PNPLA7: variants seen among roughly 807,000 people sequenced by gnomAD.
The protein encoded by PNPLA7 is patatin like domain 7, lysophospholipase.
In PNPLA7, 153 loss-of-function variants were observed where a neutral mutation model predicts 161.7. The observed-to-expected ratio is 0.95, with a 90% CI of 0.83 to 1.08. PNPLA7 has a LOEUF of 1.08. Ranked by LOEUF, PNPLA7 falls within the 50% of genes least tolerant of loss-of-function variation. The pLI, the probability that PNPLA7 is intolerant of heterozygous loss-of-function variation, is 0.00. For synonymous variants in PNPLA7, 809 were observed against 782.1 expected (o/e 1.03, Z -0.57); for missense variants, 1,739 against 1,856.6 (o/e 0.94, Z 1.16).
At position 137,500,651 on chromosome 9, in the gene PNPLA7, G is replaced by C. The variant is rs71510827; in HGVS notation, c.1757+40C>G. On this transcript the variant is annotated intron_variant, in intron 16 of 34. Transcript: ENST00000406427. The surrounding 1 kb of genome is among the most constrained non-coding windows in gnomAD (Gnocchi z 5.5). ...CGGGGAGGGGTCTCAGGGCAGGGGG[G>C]GCTGGGGCCCGCCCTGAGGTCCTGG... The C allele has an allele frequency of 6.9e-6, 11 of 1,592,234 alleles. No homozygotes were observed. The highest frequency in any genetic ancestry group is 3.4e-5 in the Admixed American group (2 of 58,526).
At chr9:137,501,983 A>C (rs1833452410) in intron 14 of PNPLA7, among the ~76,000 whole-genome samples, 3 of 152,192 alleles carry the variant, frequency 2.0e-5, no homozygotes, top group South Asian at 4.1e-4. Flanking sequence ...AGAAACAGAC[A>C]CTCGTATTTT....
chr9:137,496,169 C>G (rs1833048995), intron 18 of PNPLA7, among the ~76,000 whole-genome samples: 1 of 144,726 alleles, frequency 6.9e-6, no homozygotes, highest in Non-Finnish European at 1.5e-5. Context: ...TAGAGTTTAG[C>G]TCTTACTGCA....
intron 4 of PNPLA7, among the ~76,000 whole-genome samples, chr9:137,545,867 G>C (rs191693535): frequency 1.3e-5 from 2 of 152,156 alleles, no homozygotes; most frequent in Non-Finnish European, 2.9e-5. Flanking sequence ...CAAGCGGACC[G>C]TGATCTAGCG....
In PNPLA7 at chr9:137,520,102, G is replaced by A. The variant is rs546433185; in HGVS notation, c.958-59C>T. On this transcript the variant is annotated intron_variant, in intron 10 of 34. Coordinates refer to ENST00000406427, the MANE Select transcript of PNPLA7 (RefSeq NM_001098537.3). The surrounding 1 kb of genome is among the most constrained non-coding windows in gnomAD (Gnocchi z 5.2). Reference sequence around the variant, plus strand: ...AGGAACACCCCACACCCACTGACAGGTGTGGGCTCCTCAAAGGTGTGACAG... The same window carrying A: ...AGGAACACCCCACACCCACTGACAGATGTGGGCTCCTCAAAGGTGTGACAG... The A allele has an allele frequency of 1.2e-4, 191 of 1,599,524 alleles. 2 individuals carry two copies. The African/African-American group carries it at 2.2e-3, about 19-fold the overall frequency.
intron 8 of PNPLA7, among the ~76,000 whole-genome samples, chr9:137,526,578 A>G (rs1835315003): frequency 6.6e-6 from 1 of 152,106 alleles, no homozygotes; most frequent in Non-Finnish European, 1.5e-5. Context: ...CGCCTGGCCG[A>G]TTTTCATCCT....
intron 32 of PNPLA7, 56 bp from the exon 33 acceptor site, chr9:137,461,676 A>C: frequency 2.0e-6 from 3 of 1,515,576 alleles, no homozygotes; most frequent in Non-Finnish European, 2.7e-6. Flanking sequence ...GCCAGTCCCC[A>C]GCCTGCTTCC....
intron 8 of PNPLA7, among the ~76,000 whole-genome samples, chr9:137,538,462 A>G (rs535793464): frequency 2.0e-5 from 3 of 152,358 alleles, no homozygotes; most frequent in South Asian, 2.1e-4. Context: ...CCCAGGCTCC[A>G]GTGCGAGGTT....
intron 12 of PNPLA7, among the ~76,000 whole-genome samples, chr9:137,506,729 C>G (rs1833944751): frequency 6.6e-6 from 1 of 152,228 alleles, no homozygotes; most frequent in Non-Finnish European, 1.5e-5. Context: ...CTGCCCTCAG[C>G]ATTACACATC....
In PNPLA7 at chr9:137,523,060, A is replaced by T. The variant is rs937945853; in HGVS notation, c.748-203T>A. Reference sequence around the variant, plus strand: ...TTGACTGTCCAAGACATGTGCGGCGAAGGACTGGCTGACGATGAAATGTGG... The same window carrying T: ...TTGACTGTCCAAGACATGTGCGGCGTAGGACTGGCTGACGATGAAATGTGG... On this transcript the variant is annotated intron_variant, in intron 8 of 34. Transcript: ENST00000406427. The surrounding 1 kb of genome is among the most constrained non-coding windows in gnomAD (Gnocchi z 4.4). Among the ~76,000 whole-genome samples, 4 of 152,026 alleles carry T rather than the reference A, an allele frequency of 2.6e-5. No homozygotes were observed. The highest frequency in any genetic ancestry group is 2.6e-4 in the Admixed American group (4 of 15,266).
At chr9:137,534,063 CAG>C (rs1835749037) in intron 8 of PNPLA7, among the ~76,000 whole-genome samples, 1 of 150,574 alleles carries the variant, frequency 6.6e-6, no homozygotes, top group Non-Finnish European at 1.5e-5. Context: ...TCCTCCCCAA[CAG>C]TGTCCACTCC....
chr9:137,547,523 G>T lies in PNPLA7; in HGVS notation c.105+62C>A. 1 of 1,599,354 alleles carries T rather than the reference G, an allele frequency of 6.3e-7. No homozygotes were observed. The highest frequency in any genetic ancestry group is 8.6e-7 in the Non-Finnish European group (1 of 1,167,568). The stretch of plus-strand genomic sequence containing the variant: ...GGAATGAGCCAGGGGATGGGGACAG[G>T]GAGAGGTGAAAAAGGCCACGGCCCA... On this transcript the variant is annotated intron_variant, in intron 2 of 34. Transcript: ENST00000406427. This position sits in a 1 kb window ranked among gnomAD's most constrained non-coding sequence, Gnocchi z 4.6.
chr9:137,504,016 G>T lies in PNPLA7; in HGVS notation c.1473+1598C>A, dbSNP rs550611022. 9.5e-4 allele frequency among the ~76,000 whole-genome samples: 97 copies of T among 102,626 alleles called. 1 individual carries two copies. In the East Asian group the frequency reaches 0.024, roughly 25 times the overall value. The allele number at this position is 102,626 out of a possible 152,430, so 67.3% of individuals were successfully genotyped here. A position where few individuals can be genotyped will look rare whatever the true frequency, so the allele number is the denominator to read the frequency against. The stretch of plus-strand genomic sequence containing the variant: ...AGCAAGAAGAAGAAAGAAGAAGGAA[G>T]AAGAAGAAGGAGGAGGAAGGAAGAA... On this transcript the variant is annotated intron_variant, in intron 14 of 34. Transcript: ENST00000406427.
At chr9:137,528,214 T>G (rs1484892067) in intron 8 of PNPLA7, among the ~76,000 whole-genome samples, 2 of 152,228 alleles carry the variant, frequency 1.3e-5, no homozygotes, top group Admixed American at 1.3e-4. Flanking sequence ...ATTCATTTTC[T>G]CTCTTGTTTT....
In PNPLA7 at chr9:137,501,694, G is replaced by A; in HGVS notation, c.1507C>T (p.Leu503=). The part of the protein sequence containing the change: ...SSLLDGRVAL[L]HVPAGTVVSR... ...ACCACCGTGCCTGCAGGAACGTGCAGAAGCGCCACCCGGCCATCCAACAGA... is the reference window on the plus strand; with the variant it reads ...ACCACCGTGCCTGCAGGAACGTGCAAAAGCGCCACCCGGCCATCCAACAGA... The change falls in exon 15 of 35, where the codon CTG becomes TTG. Residue 503 remains leucine, a synonymous_variant. Transcript: ENST00000406427. 2 of 1,612,666 alleles carry A rather than the reference G, an allele frequency of 1.2e-6. No homozygotes were observed. Among genetic ancestry groups the A allele is most frequent in the Non-Finnish European group, 1.7e-6 (2 of 1,179,894 alleles).
At position 137,509,734 on chromosome 9, in the gene PNPLA7, C is replaced by T. The variant is rs534184182; in HGVS notation, c.1226-3651G>A. On this transcript the variant is annotated intron_variant, in intron 12 of 34. Transcript: ENST00000406427. The stretch of plus-strand genomic sequence containing the variant: ...ACAGGCATGGAGCAGCCACAGCAGT[C>T]GGATGAGGCTGAGGAGTAGACGCTG... The T allele has an allele frequency of 4.6e-5, 21 of 456,064 alleles. 1 individual carries two copies. Among genetic ancestry groups the T allele is most frequent in the African/African-American group, 1.2e-4 (6 of 50,168 alleles). 28.3% of individuals were successfully genotyped at this position (456,064 alleles called of 1,614,324 possible).
chr9:137,502,455 T>A (rs1240533063), intron 14 of PNPLA7, among the ~76,000 whole-genome samples: 1 of 150,332 alleles, frequency 6.7e-6, no homozygotes, highest in African/African-American at 2.5e-5. Flanking sequence ...ACATCACATG[T>A]CGCCAAAAGT....
chr9:137,479,810 C>T (rs1832121064), intron 23 of PNPLA7: 16 of 985,352 alleles, frequency 1.6e-5, no homozygotes, highest in Non-Finnish European at 1.8e-5. Context: ...ATCTGGGAAC[C>T]TGCAGACACA....
intron 6 of PNPLA7, 81 bp from the exon 7 acceptor site, chr9:137,542,882 C>A: frequency 6.9e-7 from 1 of 1,450,624 alleles, no homozygotes; most frequent in South Asian, 1.3e-5. Flanking sequence ...AGCACACGGT[C>A]ACTGACCCCA....
At chr9:137,504,800 C>T (rs140092861) in intron 14 of PNPLA7, among the ~76,000 whole-genome samples, 1,572 of 152,274 alleles carry the variant, frequency 0.01, 17 homozygotes, top group Non-Finnish European at 0.018. Flanking sequence ...AGGAGTACAG[C>T]TGTAAAGTGA....
Sources: allele counts gnomAD v4.1 joint callset (sites outside exome capture counted in the v4.1 genomes callset), GRCh38; gene constraint gnomAD v4.1.1; non-coding constraint Gnocchi (gnomAD v3.1); transcripts MANE v1.5; gene names NCBI Gene and HGNC (gene_info 2026-07-23, HGNC 2026-07-21).